BMPR1A: variants seen among roughly 807,000 people sequenced by gnomAD.
BMPR1A encodes bone morphogenetic protein receptor type-1A.
BMPR1A carries 7 observed loss-of-function variants against 66.0 expected under a neutral mutation model. The observed-to-expected ratio is 0.11, with a 90% CI of 0.06 to 0.20. The LOEUF is 0.20. BMPR1A is among the 10% of genes least tolerant of loss of function. The pLI is 1.00. For synonymous variants in BMPR1A, 200 were observed against 229.7 expected, an observed-to-expected ratio of 0.87 and a Z score of 1.17; for missense variants, 408 against 669.1, an observed-to-expected ratio of 0.61 and a Z score of 4.31.
intron 1 of BMPR1A, among the ~76,000 whole-genome samples, chr10:86,794,676 G>T (rs1841678760): frequency 6.6e-6 from 1 of 151,764 alleles, no homozygotes; most frequent in Admixed American, 6.6e-5. Flanking sequence ...CTATTTTTAG[G>T]TTTCTATTCC....
intron 5 of BMPR1A, among the ~76,000 whole-genome samples, chr10:86,899,160 T>C (rs1843270509): frequency 6.6e-6 from 1 of 152,248 alleles, no homozygotes; most frequent in Non-Finnish European, 1.5e-5. Context: ...TTGTCAGATA[T>C]TGTGTTGTTA....
intron 1 of BMPR1A, among the ~76,000 whole-genome samples, chr10:86,833,301 C>T (rs1474916108): frequency 1.3e-5 from 2 of 152,050 alleles, no homozygotes; most frequent in African/African-American, 4.8e-5. Context: ...TTCCTAATGA[C>T]AGGGTGTTTA....
At chr10:86,837,231 C>CTCTGTGTGTGTGTGTGTG (rs1842361614) in intron 1 of BMPR1A, among the ~76,000 whole-genome samples, 1 of 143,646 alleles carries the variant, frequency 7.0e-6, no homozygotes. Flanking sequence ...TAGAATCAGG[C>CTCTGTGTGTGTGTGTGTG]TGTGTGTGTG....
intron 1 of BMPR1A, among the ~76,000 whole-genome samples, chr10:86,769,160 G>A (rs1841211528): frequency 6.6e-6 from 1 of 152,164 alleles, no homozygotes. Context: ...CTGGCAAATT[G>A]ATATAGGAAA....
chr10:86,770,992 G>T (rs184424957), intron 1 of BMPR1A, among the ~76,000 whole-genome samples: 1 of 152,008 alleles, frequency 6.6e-6, no homozygotes, highest in Non-Finnish European at 1.5e-5. Context: ...CTTTTTCTCC[G>T]TATGAGGCTG....
chr10:86,778,147 A>G (rs1841382205), intron 1 of BMPR1A, among the ~76,000 whole-genome samples: 1 of 152,114 alleles, frequency 6.6e-6, no homozygotes, highest in Non-Finnish European at 1.5e-5. Flanking sequence ...CTCATGGCTC[A>G]TGGGCTACAT....
intron 5 of BMPR1A, among the ~76,000 whole-genome samples, chr10:86,896,051 G>A (rs1843219722): frequency 6.6e-6 from 1 of 152,150 alleles, no homozygotes; most frequent in Non-Finnish European, 1.5e-5. Flanking sequence ...CTACTTGGGA[G>A]GCTGAGGCAG....
rs1336586702 is a variant in BMPR1A at position 86,899,909 on chromosome 10, G to A, written c.430+19G>A. ...GTCATAGGTAGGTTAGCCGAGAAAA[G>A]TCGGAGCATGCTTCTCAAATATCTT... On this transcript the variant is annotated intron_variant, in intron 6 of 12. Transcript: ENST00000372037. 1.2e-6 allele frequency: 2 copies of A among 1,612,210 alleles called. No individual in the cohort carries two copies. The highest frequency in any genetic ancestry group is 4.5e-5 in the East Asian group (2 of 44,868).
chr10:86,905,177 C>T (rs539120981), intron 7 of BMPR1A, among the ~76,000 whole-genome samples: 11 of 152,302 alleles, frequency 7.2e-5, no homozygotes, highest in African/African-American at 2.4e-4. Flanking sequence ...GTCTCATTTA[C>T]ATTCATGACC....
intron 1 of BMPR1A, among the ~76,000 whole-genome samples, chr10:86,818,175 T>C (rs899928826): frequency 2.0e-5 from 3 of 152,126 alleles, no homozygotes; most frequent in African/African-American, 7.2e-5. Context: ...CCTGCCACCA[T>C]GCCTGGCTAA....
At position 86,906,931 on chromosome 10, in the gene BMPR1A, AT is replaced by A. The variant is rs973695873; in HGVS notation, c.531-5298del. 4.4e-3 allele frequency among the ~76,000 whole-genome samples: 649 copies of A among 146,714 alleles called. 9 individuals carry two copies. Among genetic ancestry groups the A allele is most frequent in the Admixed American group, 0.018 (264 of 14,656 alleles). On this transcript the variant is annotated intron_variant, in intron 7 of 12. Coordinates refer to ENST00000372037, the MANE Select transcript of BMPR1A (RefSeq NM_004329.3). The stretch of plus-strand genomic sequence containing the variant: ...TATTTACCTATTTTCAAATGCACAG[AT>A]TTTTTTTTTTCTTCACCTGTGTCCA...
rs1843375034 is a variant in BMPR1A at position 86,905,643 on chromosome 10, C to T, written c.530+5517C>T. Reference sequence around the variant, plus strand: ...GTTGATGTTTGCCAGCCACCTTGGCCCAGAATTTCTGCTTGGGAAATAGTA... The same window carrying T: ...GTTGATGTTTGCCAGCCACCTTGGCTCAGAATTTCTGCTTGGGAAATAGTA... On this transcript the variant is annotated intron_variant, in intron 7 of 12. Transcript: ENST00000372037. Among the ~76,000 whole-genome samples the T allele has an allele frequency of 2.6e-5, 4 of 151,754 alleles. No individual in the cohort carries two copies. In the South Asian group the frequency reaches 8.3e-4, roughly 32 times the overall value.
At chr10:86,772,422 G>A (rs1263782416) in intron 1 of BMPR1A, among the ~76,000 whole-genome samples, 1 of 152,036 alleles carries the variant, frequency 6.6e-6, no homozygotes, top group African/African-American at 2.4e-5. Context: ...GAGCCACCGC[G>A]CCCGGCCAGA....
chr10:86,909,578 C>A (rs559577623), intron 7 of BMPR1A, among the ~76,000 whole-genome samples: 1 of 148,150 alleles, frequency 6.7e-6, no homozygotes, highest in South Asian at 2.1e-4. Context: ...AAGAGTGAGA[C>A]CCTATCTCAA....
intron 7 of BMPR1A, among the ~76,000 whole-genome samples, chr10:86,905,817 A>G (rs1564719889): frequency 6.6e-6 from 1 of 152,042 alleles, no homozygotes; most frequent in Non-Finnish European, 1.5e-5. Context: ...ACAGCAAAAA[A>G]AAAAAAATTG....
intron 7 of BMPR1A, among the ~76,000 whole-genome samples, chr10:86,904,565 C>T (rs1032457313): frequency 2.6e-4 from 39 of 152,116 alleles, no homozygotes; most frequent in Non-Finnish European, 8.8e-5. Context: ...GAAAGAACCC[C>T]GCCCCCTTAG....
chr10:86,890,043 A>C lies in BMPR1A; in HGVS notation c.68-19A>C. 1 of 1,611,946 alleles carries C rather than the reference A, an allele frequency of 6.2e-7. No individual in the cohort carries two copies. The highest frequency in any genetic ancestry group is 2.2e-5 in the East Asian group (1 of 44,854). ...CTTTTCAGAAATGATTTACTTACAA[A>C]TTCCATATTTGAATGCAGGACAGAA... is the stretch of plus-strand genomic sequence containing the variant. On this transcript the variant is annotated intron_variant, in intron 3 of 12. Transcript: ENST00000372037.
chr10:86,889,770 T>C (rs1843120946), intron 3 of BMPR1A: 1 of 316,632 alleles, frequency 3.2e-6, no homozygotes, highest in South Asian at 4.2e-5. Flanking sequence ...TTTAAAAATA[T>C]AAAAAACAAG....
At chr10:86,779,390 C>G (rs538264227) in intron 1 of BMPR1A, among the ~76,000 whole-genome samples, 2 of 152,288 alleles carry the variant, frequency 1.3e-5, no homozygotes, top group East Asian at 3.9e-4. Context: ...CTGTCCTTGT[C>G]AGCACTTGTT....
Sources: gnomAD v4.1 joint callset for allele counts (sites outside exome capture counted in the v4.1 genomes callset) on GRCh38, gnomAD v4.1.1 for gene constraint, MANE v1.5 for transcripts, NCBI Gene and HGNC (gene_info 2026-07-23, HGNC 2026-07-21) for gene names.